Variants in WDR90 observed in about 807,000 individuals in gnomAD.
The protein encoded by WDR90 is WD repeat-containing protein 90.
Under a neutral mutation model 195.2 loss-of-function variants are expected in WDR90, and 238 were observed. The observed-to-expected ratio is 1.22, with a 90% CI of 1.10 to 1.36. The LOEUF is 1.36. Ranked by LOEUF, WDR90 falls within the 40% of genes most tolerant of loss-of-function variation. The pLI is 0.00. For missense variants in WDR90, 2,734 were observed against 2,439.5 expected, an observed-to-expected ratio of 1.12 and a Z score of -2.54; for synonymous variants, 1,265 against 1,052.4, an observed-to-expected ratio of 1.20 and a Z score of -3.91.
intron 7 of WDR90, 53 bp downstream of exon 7, chr16:651,319 G>C: frequency 1.9e-6 from 3 of 1,591,496 alleles, no homozygotes; most frequent in Non-Finnish European, 2.6e-6. Flanking sequence ...GGGTGCGTGG[G>C]GCTCGGTAGG....
rs2037825339 is a variant in WDR90 at position 658,944 on chromosome 16, G to T, written c.2944G>T (p.Asp982Tyr). 1 of 1,612,724 alleles carries T rather than the reference G, an allele frequency of 6.2e-7. No homozygotes were observed. The highest frequency in any genetic ancestry group is 1.7e-5 in the Admixed American group (1 of 59,994). ...CGTGCAGGCTGTGGCCTTCTCTCCTGACCAGCAGCAGGTCCTCAGCGCAGG... is the reference window on the plus strand; with the variant it reads ...CGTGCAGGCTGTGGCCTTCTCTCCTTACCAGCAGCAGGTCCTCAGCGCAGG... ...EPVQAVAFSPDQQQVLSAGDA... is the reference protein window; with the variant it reads ...EPVQAVAFSPYQQQVLSAGDA... The change falls in exon 24 of 41, where the codon GAC becomes TAC. Residue 982 changes from aspartate to tyrosine, a missense_variant. Physicochemically the swap from Asp to Tyr is radical, Grantham distance 160. Transcript: ENST00000293879.
chr16:666,360 C>T lies in WDR90; in HGVS notation c.4740+10C>T. On this transcript the variant is annotated intron_variant, in intron 37 of 40. Transcript: ENST00000293879. The stretch of plus-strand genomic sequence containing the variant: ...TGTCACGTGCAAAGAGGTAAAGCAG[C>T]CCCAAGAGCTGGGGAGAGGGGGCCT... 6.2e-7 allele frequency: 1 copy of T among 1,612,474 alleles called. No individual in the cohort carries two copies. Among genetic ancestry groups the T allele is most frequent in the South Asian group, 1.1e-5 (1 of 91,082 alleles).
At position 661,776 on chromosome 16, in the gene WDR90, A is replaced by G. The variant is rs776079755; in HGVS notation, c.3853A>G (p.Ile1285Val). ...FWLLQQRGAD[I>V]SLQVRREPVP... ...GCTCCTTCAGCAGCGTGGGGCAGAC[A>G]TCAGCCTTCAGGTGCCACCCGTTCA... Residue 1285 changes from isoleucine (I) to valine (V), a missense_variant, in exon 31 of 41, where the codon ATC (isoleucine) becomes GTC (valine). Physicochemically the swap from Ile to Val is conservative, Grantham distance 29. Coordinates refer to ENST00000293879, the MANE Select transcript of WDR90 (RefSeq NM_145294.5). The G allele has an allele frequency of 1.2e-6, 2 of 1,601,900 alleles. No homozygotes were observed. The highest frequency in any genetic ancestry group is 4.5e-5 in the East Asian group (2 of 44,676).
At chr16:649,698 C>A in intron 1 of WDR90, 65 bp from the exon 2 acceptor site, 1 of 1,470,382 alleles carries the variant, frequency 6.8e-7, no homozygotes, top group Non-Finnish European at 9.1e-7. Context: ...AGGCCCGGCC[C>A]AGCCCCGCAG....
chr16:659,928 G>C, intron 26 of WDR90, 130 bp from the exon 27 acceptor site: 1 of 722,576 alleles, frequency 1.4e-6, no homozygotes. Flanking sequence ...CTGTGGCTCC[G>C]GCCTGTGCCC....
In WDR90 at chr16:655,712, G is replaced by A. The variant is rs1270944181; in HGVS notation, c.1849+9G>A. On this transcript the variant is annotated intron_variant, in intron 16 of 40. Transcript: ENST00000293879. ...GCAGACCTTCAGCTCAGGTAAGAGGGCGCCCACCACGTGGCCAGGGTGGCA... is the reference window on the plus strand; with the variant it reads ...GCAGACCTTCAGCTCAGGTAAGAGGACGCCCACCACGTGGCCAGGGTGGCA... The A allele has an allele frequency of 6.3e-7, 1 of 1,586,240 alleles. No homozygotes were observed. Among genetic ancestry groups the A allele is most frequent in the Non-Finnish European group, 8.6e-7 (1 of 1,165,500 alleles).
chr16:650,460 G>T, intron 4 of WDR90, 79 bp from the exon 5 acceptor site: 1 of 1,588,902 alleles, frequency 6.3e-7, no homozygotes. Flanking sequence ...GGACAACCTG[G>T]CGGGGGCACA....
intron 34 of WDR90, chr16:665,314 G>GGT: frequency 2.1e-6 from 1 of 466,878 alleles, no homozygotes; most frequent in South Asian, 3.1e-5. Context: ...CTGTCTTTCA[G>GGT]CCTCAGTCTG....
chr16:651,324 G>C lies in WDR90; in HGVS notation c.736+58G>C, dbSNP rs781767319. 6 of 1,575,318 alleles carry C rather than the reference G, an allele frequency of 3.8e-6. No homozygotes were observed. The Admixed American group carries it at 8.6e-5, about 22-fold the overall frequency. ...AAGGCCTGTAGGGTGCGTGGGGCTC[G>C]GTAGGAGAGGGCAGGGCTGGGAAAG... On this transcript the variant is annotated intron_variant, in intron 7 of 40. Coordinates refer to ENST00000293879, the MANE Select transcript of WDR90 (RefSeq NM_145294.5).
chr16:653,337 CCAGG>C lies in WDR90; in HGVS notation c.1123-2_1124del, dbSNP rs772644945. ...GTCCTCAGCCCCCCGCCCCCTTGTG[CCAGG>C]CCCTGTGGACCCCAGACGGGGCGGC... On this transcript the variant is annotated splice_acceptor_variant and splice_polypyrimidine_tract_variant and coding_sequence_variant and intron_variant, in exon 11 of 41. Transcript: ENST00000293879. LOFTEE classifies it high-confidence loss of function. 1 of 1,536,634 alleles carries C rather than the reference CCAGG, an allele frequency of 6.5e-7. No individual in the cohort carries two copies.
At chr16:652,351 G>C (rs1365345615) in intron 9 of WDR90, 116 bp from the exon 10 acceptor site, 8 of 1,241,612 alleles carry the variant, frequency 6.4e-6, no homozygotes, top group Non-Finnish European at 7.8e-6. Flanking sequence ...CCCAGGACCA[G>C]GGCAGTCTTC....
chr16:659,184 G>T, intron 25 of WDR90, 58 bp downstream of exon 25: 3 of 1,610,416 alleles, frequency 1.9e-6, no homozygotes, highest in Non-Finnish European at 2.5e-6. Flanking sequence ...GGCCCGTCCT[G>T]TGTCTGCCTA....
At chr16:659,733 G>A (rs898939995) in intron 26 of WDR90, among the ~76,000 whole-genome samples, 1 of 152,202 alleles carries the variant, frequency 6.6e-6, no homozygotes, top group Admixed American at 6.5e-5. Context: ...GGCTGGAGAC[G>A]GGGCCTGGGC....
Position 656,310 on chromosome 16 carries a change from G to A in WDR90, c.1975G>A (p.Gly659Ser). ...SSVLLEAEHE[G>S]PVSSVCVSPD... ...CCCCACCCCACCCACAGAGCACGAG[G>A]GCCCCGTCAGCTCAGTCTGTGTCAG... The change falls in exon 18 of 41, where the codon GGC becomes AGC. Residue 659 changes from glycine to serine, a missense_variant. Gly to Ser is a moderately conservative substitution (Grantham distance 56). Coordinates refer to ENST00000293879, the MANE Select transcript of WDR90 (RefSeq NM_145294.5). 4 of 1,607,280 alleles carry A rather than the reference G, an allele frequency of 2.5e-6. No homozygotes were observed. The highest frequency in any genetic ancestry group is 1.3e-5 in the African/African-American group (1 of 74,954).
chr16:666,059 C>A lies in WDR90; in HGVS notation c.4544C>A (p.Thr1515Lys), dbSNP rs766903229. ...CTGCGCATCTTCAGCGTCTCCCGCA[C>A]GGCCATGGAGCTCAAGATGCACCCC... Reference protein sequence around the residue: ...GSLRIFSVSRTAMELKMHPHP... With the variant: ...GSLRIFSVSRKAMELKMHPHP... Residue 1515 changes from threonine to lysine, a missense_variant, in exon 36 of 41, where the codon ACG becomes AAG. By Grantham distance (78) the Thr-to-Lys change is moderately conservative (BLOSUM62 -1). Coordinates refer to ENST00000293879, the MANE Select transcript of WDR90 (RefSeq NM_145294.5). 1.9e-6 allele frequency: 3 copies of A among 1,607,888 alleles called. No individual in the cohort carries two copies. The highest frequency in any genetic ancestry group is 2.5e-6 in the Non-Finnish European group (3 of 1,179,846).
chr16:656,598 T>G (rs2037760436), intron 18 of WDR90, 61 bp downstream of exon 18: 2 of 1,573,838 alleles, frequency 1.3e-6, no homozygotes, highest in Non-Finnish European at 1.7e-6. Flanking sequence ...CTGGGGTTTG[T>G]CAGCGGGGGT....
At position 656,828 on chromosome 16, in the gene WDR90, C is replaced by T. The variant is rs747005220; in HGVS notation, c.2299C>T (p.Arg767Cys). ...FFCGFSSGAV[R>C]SFSLEAAEVL... Reference sequence around the variant, plus strand: ...CTGTGGCTTTAGCAGTGGGGCCGTGCGCTCCTTCAGCCTGGAGGCCGCTGA... The same window carrying T: ...CTGTGGCTTTAGCAGTGGGGCCGTGTGCTCCTTCAGCCTGGAGGCCGCTGA... Residue 767 changes from arginine to cysteine, a missense_variant, in exon 19 of 41, where the codon CGC becomes TGC. Coordinates refer to ENST00000293879, the MANE Select transcript of WDR90 (RefSeq NM_145294.5). 186 of 1,613,012 alleles carry T rather than the reference C, an allele frequency of 1.2e-4. No homozygotes were observed. The highest frequency in any genetic ancestry group is 8.3e-4 in the Middle Eastern group (5 of 6,060).
In WDR90 at chr16:651,743, C is replaced by T; in HGVS notation, c.836C>T (p.Thr279Ile). 7.4e-6 allele frequency: 12 copies of T among 1,613,130 alleles called. No individual in the cohort carries two copies. Among genetic ancestry groups the T allele is most frequent in the Admixed American group, 1.7e-5 (1 of 60,024 alleles). ...VSPVVQTPSPTASGRAALAPR... is the reference protein window; with the variant it reads ...VSPVVQTPSPIASGRAALAPR... The stretch of plus-strand genomic sequence containing the variant: ...CCAGTGGTCCAGACGCCCAGCCCCA[C>T]AGCCGTGAGTACCCCCTTCGCCCTA... Residue 279 changes from threonine (T) to isoleucine (I), a missense_variant, in exon 8 of 41, where the codon ACA becomes ATA. Thr to Ile is a moderately conservative substitution (Grantham distance 89, BLOSUM62 -1). Transcript: ENST00000293879.
At position 650,204 on chromosome 16, in the gene WDR90, C is replaced by G. The variant is rs376191175; in HGVS notation, c.279+37C>G. 5.3e-3 allele frequency: 8,508 copies of G among 1,610,222 alleles called. 36 individuals are homozygous for G. Among genetic ancestry groups the G allele is most frequent in the South Asian group, 6.8e-3 (619 of 91,042 alleles). On this transcript the variant is annotated intron_variant, in intron 3 of 40. Coordinates refer to ENST00000293879, the MANE Select transcript of WDR90 (RefSeq NM_145294.5). ...GCGGCTGGGGGCTGCGTGGGAGCCC[C>G]GGCACCCCTGCGGCCCCTGTCTCCT...
Sources: gnomAD v4.1 joint callset for allele counts (sites outside exome capture counted in the v4.1 genomes callset) on GRCh38, gnomAD v4.1.1 for gene constraint, MANE v1.5 for transcripts, NCBI Gene and HGNC (gene_info 2026-07-23, HGNC 2026-07-21) for gene names.